Variants in ZFPM2 observed in about 807,000 individuals in gnomAD.
ZFPM2 encodes zinc finger protein ZFPM2.
Under a neutral mutation model 98.6 loss-of-function variants are expected in ZFPM2, and 20 were observed. That is an observed-to-expected ratio of 0.20 (90% CI 0.14 to 0.29). The LOEUF is 0.29. Among genes scored for constraint, ZFPM2 ranks in the 10% least tolerant of loss-of-function variants. The pLI is 1.00. For missense variants in ZFPM2, 1,310 were observed against 1,388.6 expected, an observed-to-expected ratio of 0.94 and a Z score of 0.90; for synonymous variants, 518 against 502.7, an observed-to-expected ratio of 1.03 and a Z score of -0.41.
At chr8:105,401,502 G>T (rs1249573319) in intron 1 of ZFPM2, among the ~76,000 whole-genome samples, 1 of 152,008 alleles carries the variant, frequency 6.6e-6, no homozygotes, top group Non-Finnish European at 1.5e-5. Flanking sequence ...GAGAATTTCA[G>T]GGCCATCCTG....
chr8:105,350,013 G>T (rs1458608542), intron 1 of ZFPM2, among the ~76,000 whole-genome samples: 1 of 152,048 alleles, frequency 6.6e-6, no homozygotes, highest in Non-Finnish European at 1.5e-5. Flanking sequence ...TAGTGCAATA[G>T]TTTTTTTACG....
chr8:105,646,132 C>CA (rs35017141), intron 5 of ZFPM2, among the ~76,000 whole-genome samples: 14,478 of 146,392 alleles, frequency 0.099, 870 homozygotes, highest in Middle Eastern at 0.2. Context: ...GACACGTGTT[C>CA]AAAAAAAAAA....
intron 1 of ZFPM2, among the ~76,000 whole-genome samples, chr8:105,415,750 A>T (rs1811668657): frequency 6.6e-6 from 1 of 152,118 alleles, no homozygotes; most frequent in Admixed American, 6.6e-5. Context: ...CATAAATATT[A>T]TGCATTTTAA....
chr8:105,616,791 G>A (rs7006427), intron 4 of ZFPM2: 13,902 of 247,182 alleles, frequency 0.056, 438 homozygotes, highest in Admixed American at 0.086. Flanking sequence ...GCCCAGGCGG[G>A]TGGATCACCT....
chr8:105,715,614 A>G (rs1489177291), intron 5 of ZFPM2, among the ~76,000 whole-genome samples: 1 of 152,024 alleles, frequency 6.6e-6, no homozygotes, highest in Non-Finnish European at 1.5e-5. Flanking sequence ...GCAGAGTCAA[A>G]TGTTAAACAT....
At chr8:105,510,784 C>T (rs1175085373) in intron 3 of ZFPM2, among the ~76,000 whole-genome samples, 1 of 152,140 alleles carries the variant, frequency 6.6e-6, no homozygotes, top group Non-Finnish European at 1.5e-5. Context: ...TGGACTCAGG[C>T]ACTAGGGTGG....
intron 1 of ZFPM2, among the ~76,000 whole-genome samples, chr8:105,400,380 A>G (rs971548624): frequency 2.6e-5 from 4 of 152,094 alleles, no homozygotes; most frequent in African/African-American, 9.7e-5. Flanking sequence ...GTCATCTAGC[A>G]TTAGGTATAT....
At chr8:105,326,662 T>C (rs1002982152) in intron 1 of ZFPM2, among the ~76,000 whole-genome samples, 35 of 151,792 alleles carry the variant, frequency 2.3e-4, no homozygotes, top group African/African-American at 7.7e-4. Context: ...GACACTAATA[T>C]AATAGTTAAT....
chr8:105,681,516 T>C (rs1416076106), intron 5 of ZFPM2, among the ~76,000 whole-genome samples: 3 of 152,240 alleles, frequency 2.0e-5, no homozygotes, highest in Non-Finnish European at 4.4e-5. Flanking sequence ...TGTGTGTGTG[T>C]ATTAAGAAGA....
chr8:105,655,295 G>A (rs1817262286), intron 5 of ZFPM2, among the ~76,000 whole-genome samples: 2 of 147,138 alleles, frequency 1.4e-5, no homozygotes, highest in African/African-American at 5.0e-5. Context: ...GCAATGGGGT[G>A]GTCTTGGCTC....
At position 105,392,922 on chromosome 8, in the gene ZFPM2, A is replaced by T. The variant is rs182119605; in HGVS notation, c.41-26222A>T. Among the ~76,000 whole-genome samples the T allele has an allele frequency of 6.3e-4, 96 of 152,270 alleles. 1 individual carries two copies. Among genetic ancestry groups the T allele is most frequent in the African/African-American group, 2.3e-3 (94 of 41,570 alleles). ...GTTTTATTACTTAAATCCAAGTTCT[A>T]TTTGAAGCTTTAACACTTGGAATTA... On this transcript the variant is annotated intron_variant, in intron 1 of 7. Transcript: ENST00000407775.
intron 1 of ZFPM2, among the ~76,000 whole-genome samples, chr8:105,389,835 A>G (rs1381075958): frequency 1.3e-5 from 2 of 152,212 alleles, no homozygotes; most frequent in African/African-American, 4.8e-5. Context: ...GAAAAGATAG[A>G]TCCAGGAAAA....
intron 4 of ZFPM2, among the ~76,000 whole-genome samples, chr8:105,587,214 T>G (rs2130756012): frequency 6.7e-6 from 1 of 149,770 alleles, no homozygotes; most frequent in Admixed American, 6.7e-5. Context: ...GAGGCGGAGC[T>G]TGCAGTGAGC....
chr8:105,627,395 A>C (rs1816678955), intron 4 of ZFPM2, among the ~76,000 whole-genome samples: 1 of 152,106 alleles, frequency 6.6e-6, no homozygotes, highest in African/African-American at 2.4e-5. Flanking sequence ...TACAATGTGG[A>C]GCTTCAAAAG....
intron 3 of ZFPM2, among the ~76,000 whole-genome samples, chr8:105,452,843 G>C (rs1385115218): frequency 6.6e-6 from 1 of 152,046 alleles, no homozygotes; most frequent in African/African-American, 2.4e-5. Context: ...GAGATTATTG[G>C]CATTGATTTC....
rs567996208 is a variant in ZFPM2, at chr8:105,576,289, A to G, written c.420+14808A>G. 3.3e-5 allele frequency among the ~76,000 whole-genome samples: 5 copies of G among 152,166 alleles called. No homozygotes were observed. The East Asian group carries it at 5.8e-4, about 18-fold the overall frequency. On this transcript the variant is annotated intron_variant, in intron 4 of 7. Coordinates refer to ENST00000407775, the MANE Select transcript of ZFPM2 (RefSeq NM_012082.4). ...TGATGCTGAGATTTTTTTTTTAACT[A>G]TTCCTCCTACTATTGGCCTGGTGTC... is the stretch of plus-strand genomic sequence containing the variant.
At chr8:105,384,653 T>C (rs1413522115) in intron 1 of ZFPM2, among the ~76,000 whole-genome samples, 1 of 151,992 alleles carries the variant, frequency 6.6e-6, no homozygotes, top group African/African-American at 2.4e-5. Flanking sequence ...ATTAACCCGT[T>C]TGGAGCAAGA....
intron 1 of ZFPM2, among the ~76,000 whole-genome samples, chr8:105,348,718 T>A (rs1018582665): frequency 3.3e-5 from 5 of 152,146 alleles, no homozygotes; most frequent in African/African-American, 1.2e-4. Context: ...CCAATAAAAG[T>A]CTTATTAGAT....
chr8:105,555,156 G>T (rs1347462920), intron 3 of ZFPM2, among the ~76,000 whole-genome samples: 3 of 151,636 alleles, frequency 2.0e-5, no homozygotes, highest in Non-Finnish European at 4.4e-5. Flanking sequence ...TTATCAAGAA[G>T]ATAAGAGAAA....
Sources: allele counts gnomAD v4.1 joint callset (sites outside exome capture counted in the v4.1 genomes callset), GRCh38; gene constraint gnomAD v4.1.1; transcripts MANE v1.5; gene names NCBI Gene and HGNC (gene_info 2026-07-23, HGNC 2026-07-21).